The following GTF2A1L variants were observed in gnomAD, a reference collection of about 807,000 sequenced individuals.
GTF2A1L encodes TFIIA-alpha and beta-like factor.
In GTF2A1L, 48 loss-of-function variants were observed where a neutral mutation model predicts 49.7. The ratio of observed to expected loss-of-function variants is 0.97; its 90% CI spans 0.77 to 1.23. The LOEUF (loss-of-function observed/expected upper bound fraction) is 1.23, where lower values mean the gene tolerates loss of function less well. Among genes scored for constraint, GTF2A1L ranks in the 50% most tolerant of loss-of-function variants. The pLI, the probability that GTF2A1L is intolerant of heterozygous loss-of-function variation, is 0.00. For missense variants in GTF2A1L, 736 were observed against 564.8 expected (o/e 1.30, Z -3.07); for synonymous variants, 246 against 193.5 (o/e 1.27, Z -2.25).
intron 6 of GTF2A1L, among the ~76,000 whole-genome samples, chr2:48,650,021 C>T (rs553784334): frequency 4.5e-4 from 69 of 152,254 alleles, no homozygotes; most frequent in Non-Finnish European, 6.9e-4. Flanking sequence ...ATTACTTCCT[C>T]CAGAAATCTT....
At chr2:48,652,477 G>A (rs1346334556) in intron 6 of GTF2A1L, among the ~76,000 whole-genome samples, 2 of 151,278 alleles carry the variant, frequency 1.3e-5, no homozygotes, top group Non-Finnish European at 2.9e-5. Context: ...TTAGCGGAGT[G>A]TGGTGGCAGG....
chr2:48,627,202 A>T lies in GTF2A1L; in HGVS notation c.247+5912A>T, dbSNP rs949587679. 9.7e-5 allele frequency among the ~76,000 whole-genome samples: 14 copies of T among 144,308 alleles called. 3 individuals carry two copies. Among genetic ancestry groups the T allele is most frequent in the Admixed American group, 4.9e-4 (7 of 14,216 alleles). The allele number at this position is 144,308 out of a possible 152,430, so 94.7% of individuals were successfully genotyped here. A position where few individuals can be genotyped will look rare whatever the true frequency, so the allele number is the denominator to read the frequency against. On this transcript the variant is annotated intron_variant, in intron 3 of 8. Transcript: ENST00000403751. Reference sequence around the variant, plus strand: ...GCCTTCCACAGATACATAGTTGGAAAAAAGGGAAGCATTTTAATAGTATTT... The same window carrying T: ...GCCTTCCACAGATACATAGTTGGAATAAAGGGAAGCATTTTAATAGTATTT...
At chr2:48,623,805 C>G (rs1450088964) in intron 3 of GTF2A1L, among the ~76,000 whole-genome samples, 1 of 152,126 alleles carries the variant, frequency 6.6e-6, no homozygotes, top group African/African-American at 2.4e-5. Context: ...TGAATTAACA[C>G]AGGAACAGAA....
chr2:48,618,704 G>A (rs1675802017), intron 1 of GTF2A1L, among the ~76,000 whole-genome samples: 1 of 152,126 alleles, frequency 6.6e-6, no homozygotes, highest in East Asian at 1.9e-4. Flanking sequence ...CCTATACTCT[G>A]CCTGAATATA....
intron 8 of GTF2A1L, among the ~76,000 whole-genome samples, chr2:48,678,683 G>C (rs538726645): frequency 6.6e-6 from 1 of 152,170 alleles, no homozygotes; most frequent in South Asian, 2.1e-4. Context: ...ACAGCCAGCA[G>C]AGTCTTACAG....
intron 6 of GTF2A1L, among the ~76,000 whole-genome samples, chr2:48,664,474 G>C (rs192770737): frequency 6.6e-6 from 1 of 152,132 alleles, no homozygotes; most frequent in Non-Finnish European, 1.5e-5. Flanking sequence ...AATTTGCTAA[G>C]ATTTCGTTGT....
intron 3 of GTF2A1L, among the ~76,000 whole-genome samples, chr2:48,632,055 A>G (rs752452507): frequency 6.6e-6 from 1 of 152,128 alleles, no homozygotes. Flanking sequence ...TCTCTTGGCA[A>G]TGTCTTCCAG....
rs545676018 is a variant in GTF2A1L at position 48,630,811 on chromosome 2, T to G, written c.247+9521T>G. Among the ~76,000 whole-genome samples the G allele has an allele frequency of 6.3e-4, 66 of 104,774 alleles. 9 individuals are homozygous for G. Among genetic ancestry groups the G allele is most frequent in the Non-Finnish European group, 6.5e-4 (27 of 41,532 alleles). 68.7% of individuals were successfully genotyped at this position (104,774 alleles called of 152,430 possible). A position where few individuals can be genotyped will look rare whatever the true frequency, so the allele number is the denominator to read the frequency against. The stretch of plus-strand genomic sequence containing the variant: ...ATGCCTAGTTTCTTGAGGGTTTTTC[T>G]TTTATCATGAAGTCATGTTGGATTT... On this transcript the variant is annotated intron_variant, in intron 3 of 8. Transcript: ENST00000403751.
At chr2:48,653,067 A>C (rs1677954325) in intron 6 of GTF2A1L, among the ~76,000 whole-genome samples, 1 of 151,842 alleles carries the variant, frequency 6.6e-6, no homozygotes, top group Admixed American at 6.6e-5. Flanking sequence ...ATCTCTACTA[A>C]AAATACAAAA....
At chr2:48,652,798 G>T (rs1266456627) in intron 6 of GTF2A1L, among the ~76,000 whole-genome samples, 2 of 150,324 alleles carry the variant, frequency 1.3e-5, no homozygotes, top group Admixed American at 1.3e-4. Flanking sequence ...AGGTTCAAGA[G>T]ATTCTTCTGC....
rs56002548 is a variant in GTF2A1L at position 48,652,064 on chromosome 2, A to G, written c.978+5022A>G. On this transcript the variant is annotated intron_variant, in intron 6 of 8. Coordinates refer to ENST00000403751, the MANE Select transcript of GTF2A1L (RefSeq NM_006872.5). The stretch of plus-strand genomic sequence containing the variant: ...CCTGGTGGAAGTGCTTCTGAAGAAA[A>G]AAGTTGAGAATGATAACTCTTTTGC... Among the ~76,000 whole-genome samples the G allele has an allele frequency of 6.9e-3, 1,055 of 152,256 alleles. 23 individuals are homozygous for G. The highest frequency in any genetic ancestry group is 0.024 in the African/African-American group (982 of 41,550).
chr2:48,619,221 C>A (rs1675834687), intron 1 of GTF2A1L, among the ~76,000 whole-genome samples: 1 of 152,048 alleles, frequency 6.6e-6, no homozygotes, highest in Non-Finnish European at 1.5e-5. Flanking sequence ...GTAATCCCAG[C>A]ACCTTGGAAG....
Position 48,645,185 on chromosome 2 carries a change from T to C in GTF2A1L, c.388+68T>C, listed in dbSNP as rs1209112284. ...ACTATTTTTTGGACATTAAGCTTCATGATTTTTAAATAAACTATATACCAG... is the reference window on the plus strand; with the variant it reads ...ACTATTTTTTGGACATTAAGCTTCACGATTTTTAAATAAACTATATACCAG... On this transcript the variant is annotated intron_variant, in intron 5 of 8. Coordinates refer to ENST00000403751, the MANE Select transcript of GTF2A1L (RefSeq NM_006872.5). 2.8e-6 allele frequency: 4 copies of C among 1,410,330 alleles called. No homozygotes were observed. The East Asian group carries it at 7.1e-5, about 25-fold the overall frequency. 87.4% of individuals were successfully genotyped at this position (1,410,330 alleles called of 1,614,324 possible).
At chr2:48,666,510 T>C (rs1678849254) in intron 6 of GTF2A1L, among the ~76,000 whole-genome samples, 2 of 152,170 alleles carry the variant, frequency 1.3e-5, no homozygotes, top group African/African-American at 4.8e-5. Flanking sequence ...TTTAACCCAG[T>C]ATGATAATCT....
At chr2:48,675,649 A>G (rs971090132) in intron 8 of GTF2A1L, among the ~76,000 whole-genome samples, 3 of 151,986 alleles carry the variant, frequency 2.0e-5, no homozygotes, top group Admixed American at 2.0e-4. Context: ...ACCTTTTACT[A>G]CAGATGGAGG....
chr2:48,671,988 T>C (rs561144618), intron 8 of GTF2A1L, among the ~76,000 whole-genome samples: 3 of 152,188 alleles, frequency 2.0e-5, no homozygotes, highest in Non-Finnish European at 4.4e-5. Context: ...GACAGGTAAA[T>C]CAAATGCTAA....
chr2:48,631,589 C>CT (rs1011446025), intron 3 of GTF2A1L, among the ~76,000 whole-genome samples: 8 of 151,794 alleles, frequency 5.3e-5, no homozygotes, highest in Admixed American at 4.6e-4. Flanking sequence ...TTCATTGATT[C>CT]TTTTTTTCCC....
At chr2:48,635,227 G>T (rs1478828041) in intron 3 of GTF2A1L, among the ~76,000 whole-genome samples, 1 of 152,124 alleles carries the variant, frequency 6.6e-6, no homozygotes. Context: ...GTGTGTAGCA[G>T]AGAGGGCCCC....
chr2:48,622,724 C>T (rs537083698), intron 3 of GTF2A1L, among the ~76,000 whole-genome samples: 1 of 151,684 alleles, frequency 6.6e-6, no homozygotes, highest in East Asian at 1.9e-4. Flanking sequence ...ATCCTAGCTA[C>T]TTGGGAGGCT....
Sources: allele counts gnomAD v4.1 joint callset (sites outside exome capture counted in the v4.1 genomes callset), GRCh38; gene constraint gnomAD v4.1.1; transcripts MANE v1.5; gene names NCBI Gene and HGNC (gene_info 2026-07-23, HGNC 2026-07-21).